KIF14: variants seen among roughly 807,000 people sequenced by gnomAD.
KIF14 encodes kinesin-like protein KIF14.
A neutral mutation model predicts 176.2 loss-of-function variants in KIF14; 98 were observed. The ratio of observed to expected loss-of-function variants is 0.56; its 90% CI spans 0.47 to 0.66. KIF14 has a LOEUF of 0.66. Among genes scored for constraint, KIF14 ranks in the 30% least tolerant of loss-of-function variants. KIF14 has a pLI of 0.00. For synonymous variants in KIF14, 566 were observed against 632.2 expected (o/e 0.90, Z 1.57); for missense variants, 1,751 against 1,920.4 (o/e 0.91, Z 1.65).
At chr1:200,614,508 A>C (rs1660309523) in intron 3 of KIF14, 103 bp from the exon 4 acceptor site, 7 of 645,744 alleles carry the variant, frequency 1.1e-5, no homozygotes, top group Non-Finnish European at 1.6e-5. Context: ...AAGTTCACTG[A>C]ATCTCATAAT....
chr1:200,585,782 G>C (rs1041977718), intron 19 of KIF14, among the ~76,000 whole-genome samples: 1 of 152,086 alleles, frequency 6.6e-6, no homozygotes, highest in African/African-American at 2.4e-5. Flanking sequence ...TTCTATCTAT[G>C]AGGGCTCTAC....
At chr1:200,559,731 C>T (rs907851194) in intron 26 of KIF14, among the ~76,000 whole-genome samples, 1 of 151,262 alleles carries the variant, frequency 6.6e-6, no homozygotes, top group African/African-American at 2.4e-5. Flanking sequence ...AAGCAGGGCT[C>T]TATATTGCTA....
chr1:200,572,556 G>A (rs886109034), intron 22 of KIF14, among the ~76,000 whole-genome samples: 1 of 152,114 alleles, frequency 6.6e-6, no homozygotes, highest in African/African-American at 2.4e-5. Flanking sequence ...TGTTAGCCAG[G>A]ATGGTCTCAA....
Position 200,605,865 on chromosome 1 carries a change from T to C in KIF14, c.1637A>G (p.Gln546Arg), listed in dbSNP as rs779173190. 1.3e-6 allele frequency: 2 copies of C among 1,522,696 alleles called. No individual in the cohort carries two copies. Among genetic ancestry groups the C allele is most frequent in the Admixed American group, 2.1e-5 (1 of 47,016 alleles). The allele number at this position is 1,522,696 out of a possible 1,614,324, so 94.3% of individuals were successfully genotyped here. The change falls in exon 7 of 30, where the codon CAG becomes CGG. Residue 546 changes from glutamine to arginine, a missense_variant and splice_region_variant. By Grantham distance (43) the Gln-to-Arg change is conservative. Transcript: ENST00000367350. ...AAAAGAAAACAAAATCAATCTTACCTGGATATCAGCGTAAGAACTGACAAT... is the reference window on the plus strand; with the variant it reads ...AAAAGAAAACAAAATCAATCTTACCCGGATATCAGCGTAAGAACTGACAAT... ...MNIVSSYADIQSWLELGNKQR... is the reference protein window; with the variant it reads ...MNIVSSYADIRSWLELGNKQR...
intron 21 of KIF14, among the ~76,000 whole-genome samples, chr1:200,576,872 C>T (rs1425522502): frequency 2.0e-5 from 3 of 152,000 alleles, no homozygotes; most frequent in Non-Finnish European, 4.4e-5. Flanking sequence ...AAGTGATCCT[C>T]TCATCTCAGC....
At chr1:200,617,398 A>G (rs1332285583) in intron 2 of KIF14, among the ~76,000 whole-genome samples, 1 of 152,246 alleles carries the variant, frequency 6.6e-6, no homozygotes, top group Non-Finnish European at 1.5e-5. Flanking sequence ...AAACTTCAAT[A>G]TACAAAATAT....
intron 28 of KIF14, 45 bp downstream of exon 28, chr1:200,555,332 AATG>A: frequency 1.7e-6 from 2 of 1,175,214 alleles, no homozygotes. Context: ...AACCAAGTGA[AATG>A]ATAAAAAATA....
chr1:200,558,086 G>A (rs1025467596), intron 27 of KIF14, among the ~76,000 whole-genome samples: 2 of 152,208 alleles, frequency 1.3e-5, no homozygotes, highest in African/African-American at 2.4e-5. Context: ...CTCCGGAGTA[G>A]CTGGTACTAC....
chr1:200,617,019 G>A (rs951972756), intron 2 of KIF14, among the ~76,000 whole-genome samples: 17 of 152,182 alleles, frequency 1.1e-4, no homozygotes, highest in African/African-American at 4.1e-4. Flanking sequence ...CCAGGCTGGA[G>A]TGCAGTGGCC....
intron 4 of KIF14, among the ~76,000 whole-genome samples, chr1:200,609,908 T>C (rs1660068102): frequency 6.6e-6 from 1 of 152,218 alleles, no homozygotes; most frequent in East Asian, 1.9e-4. Flanking sequence ...TAGATGAACC[T>C]CAACACATTA....
At chr1:200,602,795 T>C (rs531822805) in intron 10 of KIF14, among the ~76,000 whole-genome samples, 30 of 152,356 alleles carry the variant, frequency 2.0e-4, no homozygotes, top group African/African-American at 6.7e-4. Context: ...TATTAGTCAC[T>C]GTGTAGTAAG....
rs200046579 is a variant in KIF14 at position 200,603,352 on chromosome 1, GAAA to G, written c.1864-14_1864-12del. The G allele has an allele frequency of 3.7e-6, 5 of 1,362,696 alleles. No homozygotes were observed. Among genetic ancestry groups the G allele is most frequent in the Non-Finnish European group, 3.0e-6 (3 of 986,720 alleles). 84.4% of individuals were successfully genotyped at this position (1,362,696 alleles called of 1,614,324 possible). On this transcript the variant is annotated splice_polypyrimidine_tract_variant and intron_variant, in intron 9 of 29. Transcript: ENST00000367350. Reference sequence around the variant, plus strand: ...AATACTCACACCTTCCTGCATGCAAGAAAAAAAAAATTTTTAACTTAAAATACT... The same window carrying G: ...AATACTCACACCTTCCTGCATGCAAGAAAAAAATTTTTAACTTAAAATACT...
chr1:200,572,320 G>A (rs749870628), intron 22 of KIF14, among the ~76,000 whole-genome samples: 7 of 152,186 alleles, frequency 4.6e-5, no homozygotes, highest in Non-Finnish European at 1.5e-5. Flanking sequence ...AAAATAAGAT[G>A]TAAATTACCA....
At chr1:200,585,167 A>G (rs1039873349) in intron 19 of KIF14, among the ~76,000 whole-genome samples, 4 of 152,102 alleles carry the variant, frequency 2.6e-5, no homozygotes, top group Non-Finnish European at 4.4e-5. Context: ...TAATGAACAG[A>G]AAGTTGCCTA....
chr1:200,576,364 G>C (rs988635088), intron 21 of KIF14, among the ~76,000 whole-genome samples: 2 of 151,620 alleles, frequency 1.3e-5, no homozygotes, highest in African/African-American at 4.8e-5. Flanking sequence ...TGTAGTCCCA[G>C]CTACTCGGGA....
chr1:200,575,614 TG>T lies in KIF14; in HGVS notation c.3542del (p.Pro1181GlnfsTer13). On this transcript the variant is annotated frameshift_variant, in exon 22 of 30. Transcript: ENST00000367350. LOFTEE classifies it high-confidence loss of function. ...DEWEPDITDAPVSSLSRRRSR... is the reference protein window; with the variant it reads ...DEWEPDITDAXVSSLSRRRSR... Reference sequence around the variant, plus strand: ...ACCTCCTTCTAGAAAGTGAAGAAACTGGTGCATCTGTAATGTCGGGTTCCCA... The same window carrying T: ...ACCTCCTTCTAGAAAGTGAAGAAACTGTGCATCTGTAATGTCGGGTTCCCA... The T allele has an allele frequency of 6.3e-7, 1 of 1,583,162 alleles. No individual in the cohort carries two copies. The highest frequency in any genetic ancestry group is 8.6e-7 in the Non-Finnish European group (1 of 1,161,420).
intron 11 of KIF14, 130 bp from the exon 12 acceptor site, chr1:200,600,633 T>C (rs1189527478): frequency 4.5e-6 from 3 of 659,486 alleles, no homozygotes; most frequent in South Asian, 4.2e-5. Flanking sequence ...AAATAGAATA[T>C]TGGAGAAATC....
intron 25 of KIF14, among the ~76,000 whole-genome samples, chr1:200,561,322 C>T (rs1657141278): frequency 6.6e-6 from 1 of 151,452 alleles, no homozygotes; most frequent in Non-Finnish European, 1.5e-5. Context: ...AGGCAGATCA[C>T]AAGGTCAGGA....
At chr1:200,616,202 T>G (rs970250598) in intron 2 of KIF14, among the ~76,000 whole-genome samples, 1 of 152,168 alleles carries the variant, frequency 6.6e-6, no homozygotes, top group African/African-American at 2.4e-5. Context: ...TCACTCTTTG[T>G]CTGGCTCCAG....
Sources: allele counts gnomAD v4.1 joint callset (sites outside exome capture counted in the v4.1 genomes callset), GRCh38; gene constraint gnomAD v4.1.1; transcripts MANE v1.5; gene names NCBI Gene and HGNC (gene_info 2026-07-23, HGNC 2026-07-21).